The following CPA6 variants were observed in gnomAD, a reference collection of about 807,000 sequenced individuals.
The protein encoded by CPA6 is carboxypeptidase B.
Under a neutral mutation model 63.3 loss-of-function variants are expected in CPA6, and 58 were observed. The observed-to-expected ratio is 0.92, with a 90% CI of 0.74 to 1.14. The LOEUF is 1.14. Among genes scored for constraint, CPA6 ranks in the 50% most tolerant of loss-of-function variants. CPA6 has a pLI of 0.00. For missense variants in CPA6, 565 were observed against 526.6 expected, an observed-to-expected ratio of 1.07 and a Z score of -0.71; for synonymous variants, 185 against 179.0, an observed-to-expected ratio of 1.03 and a Z score of -0.27.
At chr8:67,607,005 T>C (rs1285286457) in intron 2 of CPA6, among the ~76,000 whole-genome samples, 1 of 152,134 alleles carries the variant, frequency 6.6e-6, no homozygotes, top group Admixed American at 6.5e-5. Flanking sequence ...TCTGGTTTAT[T>C]TTCTCCTAGG....
intron 6 of CPA6, among the ~76,000 whole-genome samples, chr8:67,485,344 A>G (rs1204755158): frequency 6.6e-6 from 1 of 151,892 alleles, no homozygotes; most frequent in Non-Finnish European, 1.5e-5. Context: ...TCCTGATCCC[A>G]TTTTCTTTCC....
chr8:67,442,371 T>C (rs538093171), intron 8 of CPA6, among the ~76,000 whole-genome samples: 1 of 151,836 alleles, frequency 6.6e-6, no homozygotes, highest in African/African-American at 2.4e-5. Flanking sequence ...ATATGTAATA[T>C]AGTGTAATGT....
chr8:67,564,839 A>G (rs1587569278), intron 2 of CPA6, among the ~76,000 whole-genome samples: 1 of 152,200 alleles, frequency 6.6e-6, no homozygotes, highest in East Asian at 1.9e-4. Flanking sequence ...GTCTATCCCA[A>G]TTAAACAATG....
intron 1 of CPA6, among the ~76,000 whole-genome samples, chr8:67,663,268 C>T (rs926402801): frequency 6.6e-6 from 1 of 152,158 alleles, no homozygotes; most frequent in Non-Finnish European, 1.5e-5. Context: ...ACTATGGATT[C>T]GGTTAAGCCT....
intron 6 of CPA6, among the ~76,000 whole-genome samples, chr8:67,499,093 T>G (rs1811782937): frequency 6.6e-6 from 1 of 152,266 alleles, no homozygotes; most frequent in Non-Finnish European, 1.5e-5. Context: ...TCTGGTAGTT[T>G]GCTTCTGTAT....
chr8:67,487,222 A>G (rs1377005214), intron 6 of CPA6, among the ~76,000 whole-genome samples: 1 of 152,084 alleles, frequency 6.6e-6, no homozygotes, highest in Non-Finnish European at 1.5e-5. Flanking sequence ...ACCTCAAGAA[A>G]GGTCCCAGTG....
chr8:67,608,606 G>A lies in CPA6; in HGVS notation c.192+15570C>T, dbSNP rs1450831105. ...GCAAGGACCCAGGTACCAAGAGGGC[G>A]GGGTATAAAAAGCTGTCACCCTGAC... On this transcript the variant is annotated intron_variant, in intron 2 of 10. Transcript: ENST00000297770. Among the ~76,000 whole-genome samples, 5 of 152,124 alleles carry A rather than the reference G, an allele frequency of 3.3e-5. No homozygotes were observed. In the South Asian group the frequency reaches 6.2e-4, roughly 19 times the overall value.
chr8:67,587,905 G>T (rs866979316), intron 2 of CPA6, among the ~76,000 whole-genome samples: 30 of 152,282 alleles, frequency 2.0e-4, no homozygotes, highest in Middle Eastern at 3.4e-3. Context: ...ATTAGTAGGT[G>T]TCCAGCTGTA....
chr8:67,565,170 C>CT (rs1363926538), intron 2 of CPA6, among the ~76,000 whole-genome samples: 1,167 of 60,744 alleles, frequency 0.019, 18 homozygotes, highest in Admixed American at 0.088. Flanking sequence ...CTTTTTCTTT[C>CT]TTTTTTTTTT....
chr8:67,724,301 T>G (rs552217194), intron 1 of CPA6, among the ~76,000 whole-genome samples: 1 of 152,320 alleles, frequency 6.6e-6, no homozygotes, highest in African/African-American at 2.4e-5. Flanking sequence ...TTTTCTCATG[T>G]GGTGTGTTGC....
At chr8:67,676,773 T>A (rs1340599889) in intron 1 of CPA6, among the ~76,000 whole-genome samples, 2 of 152,182 alleles carry the variant, frequency 1.3e-5, no homozygotes, top group Admixed American at 6.5e-5. Context: ...ATAACCCCCA[T>A]TCATTTATAA....
Position 67,707,299 on chromosome 8 carries a change from G to A in CPA6, c.116+38715C>T, listed in dbSNP as rs181989146. On this transcript the variant is annotated intron_variant, in intron 1 of 10. Transcript: ENST00000297770. ...GAGTTAACCGCATGGACTGAACTAA[G>A]AGAAGACTGACATAATCCTTTCACG... Among the ~76,000 whole-genome samples, 1,061 of 152,312 alleles carry A rather than the reference G, an allele frequency of 7.0e-3. 9 individuals carry two copies. Among genetic ancestry groups the A allele is most frequent in the Middle Eastern group, 0.024 (7 of 294 alleles).
At chr8:67,638,524 C>T (rs1815520599) in intron 1 of CPA6, among the ~76,000 whole-genome samples, 1 of 151,480 alleles carries the variant, frequency 6.6e-6, no homozygotes, top group Non-Finnish European at 1.5e-5. Flanking sequence ...GCTCAAGTCA[C>T]CCCTGCAGAA....
intron 1 of CPA6, among the ~76,000 whole-genome samples, chr8:67,741,829 T>C (rs576595962): frequency 1.3e-5 from 2 of 151,928 alleles, no homozygotes; most frequent in Admixed American, 1.3e-4. Flanking sequence ...GTAATAACAA[T>C]AGAAATAAAG....
chr8:67,467,834 C>G (rs1805092667), intron 8 of CPA6, among the ~76,000 whole-genome samples: 1 of 149,620 alleles, frequency 6.7e-6, no homozygotes, highest in South Asian at 2.1e-4. Flanking sequence ...GAAAACCCAT[C>G]TCTATTAAAA....
At chr8:67,465,682 T>C (rs1441676480) in intron 8 of CPA6, among the ~76,000 whole-genome samples, 1 of 152,170 alleles carries the variant, frequency 6.6e-6, no homozygotes, top group Non-Finnish European at 1.5e-5. Flanking sequence ...GGATGCTGGA[T>C]TTTATTAAAA....
At chr8:67,589,387 C>A (rs991602796) in intron 2 of CPA6, among the ~76,000 whole-genome samples, 2 of 152,144 alleles carry the variant, frequency 1.3e-5, no homozygotes, top group African/African-American at 2.4e-5. Flanking sequence ...GGCTTATTGC[C>A]TATGCGATGG....
At chr8:67,675,350 C>T (rs1022138910) in intron 1 of CPA6, among the ~76,000 whole-genome samples, 2 of 152,154 alleles carry the variant, frequency 1.3e-5, no homozygotes, top group Non-Finnish European at 2.9e-5. Flanking sequence ...GAGGGGCTGC[C>T]TGCCTGTAAC....
intron 8 of CPA6, among the ~76,000 whole-genome samples, chr8:67,444,905 T>C (rs1303213225): frequency 6.6e-6 from 1 of 152,118 alleles, no homozygotes; most frequent in African/African-American, 2.4e-5. Flanking sequence ...GTCAGGAAAG[T>C]AGGAGGACCA....
Sources: gnomAD v4.1 joint callset for allele counts (sites outside exome capture counted in the v4.1 genomes callset) on GRCh38, gnomAD v4.1.1 for gene constraint, MANE v1.5 for transcripts, NCBI Gene and HGNC (gene_info 2026-07-23, HGNC 2026-07-21) for gene names.